The following KHDRBS2 variants were observed in gnomAD, a reference collection of about 807,000 sequenced individuals.
KHDRBS2 encodes the protein KH domain-containing, RNA-binding, signal transduction-associated protein 2.
Under a neutral mutation model 44.3 loss-of-function variants are expected in KHDRBS2, and 26 were observed. The ratio of observed to expected loss-of-function variants is 0.59; its 90% confidence interval spans 0.43 to 0.81. The LOEUF is 0.81. Ranked by LOEUF, KHDRBS2 falls within the 40% of genes least tolerant of loss-of-function variation. The probability of loss-of-function intolerance (pLI) is 0.00; values close to 1 mark genes in which losing one functional copy is unlikely to be tolerated. For synonymous variants in KHDRBS2, 194 were observed against 151.1 expected (o/e 1.28, Z -2.08); for missense variants, 476 against 433.1 (o/e 1.10, Z -0.88).
chr6:61,618,714 A>T, the KHDRBS2 span, among the ~76,000 whole-genome samples: 2 of 152,188 alleles, frequency 1.3e-5, no homozygotes, highest in African/African-American at 4.8e-5. Context: ...CTAAGTGAGA[A>T]CATGCAGTAT....
intron 2 of KHDRBS2, among the ~76,000 whole-genome samples, chr6:62,075,118 C>T (rs977776176): frequency 6.6e-6 from 1 of 151,810 alleles, no homozygotes; most frequent in African/African-American, 2.4e-5. Flanking sequence ...AACTCTTATG[C>T]TATGGTCTGA....
intron 7 of KHDRBS2, among the ~76,000 whole-genome samples, chr6:61,719,088 C>A (rs1220699802): frequency 6.6e-6 from 1 of 152,108 alleles, no homozygotes; most frequent in Non-Finnish European, 1.5e-5. Flanking sequence ...GGCTTCTTTT[C>A]CTAGGTTGTG....
intron 6 of KHDRBS2, among the ~76,000 whole-genome samples, chr6:61,864,758 T>C (rs574930094): frequency 2.0e-5 from 3 of 152,184 alleles, no homozygotes; most frequent in Non-Finnish European, 4.4e-5. Flanking sequence ...GATCTTCTCA[T>C]GGAGTATCCT....
At chr6:61,871,652 A>T (rs556461011) in intron 6 of KHDRBS2, among the ~76,000 whole-genome samples, 1 of 152,326 alleles carries the variant, frequency 6.6e-6, no homozygotes, top group South Asian at 2.1e-4. Context: ...CTAACAGCAG[A>T]TCTCTCGGCA....
intron 2 of KHDRBS2, among the ~76,000 whole-genome samples, chr6:62,141,690 T>G (rs563253421): frequency 2.7e-4 from 41 of 152,214 alleles, no homozygotes; most frequent in East Asian, 9.7e-4. Context: ...CTCTATATAG[T>G]AAACATTTCT....
the KHDRBS2 span, among the ~76,000 whole-genome samples, chr6:61,663,123 C>T: frequency 6.6e-6 from 1 of 150,610 alleles, no homozygotes; most frequent in South Asian, 2.1e-4. Flanking sequence ...AACTGGAAAC[C>T]ATCATTCTAA....
At chr6:61,998,907 C>CACACATATACACAAATATATGT (rs1399593567) in intron 3 of KHDRBS2, among the ~76,000 whole-genome samples, 1 of 151,998 alleles carries the variant, frequency 6.6e-6, no homozygotes, top group Non-Finnish European at 1.5e-5. Flanking sequence ...ATATACATAT[C>CACACATATACACAAATATATGT]ACACATATAC....
At chr6:61,643,480 A>G in the KHDRBS2 span, among the ~76,000 whole-genome samples, 1 of 152,162 alleles carries the variant, frequency 6.6e-6, no homozygotes, top group African/African-American at 2.4e-5. Context: ...GGCAAGAGAA[A>G]GAAACAAAGG....
chr6:61,677,141 A>G (rs1765990109), downstream of KHDRBS2, among the ~76,000 whole-genome samples: 1 of 151,896 alleles, frequency 6.6e-6, no homozygotes, highest in Non-Finnish European at 1.5e-5. Flanking sequence ...GAATGGTGAG[A>G]GAGTCATAGG....
chr6:61,795,667 G>A (rs1207148320), intron 6 of KHDRBS2, among the ~76,000 whole-genome samples: 1 of 152,070 alleles, frequency 6.6e-6, no homozygotes, highest in Non-Finnish European at 1.5e-5. Flanking sequence ...ATGTGAGTAT[G>A]CCTGCTCCAG....
chr6:61,550,766 C>CTTTTTTTTTTTTTTTTTTTTTTTTTTT, the KHDRBS2 span, among the ~76,000 whole-genome samples: 2 of 117,040 alleles, frequency 1.7e-5, no homozygotes, highest in Non-Finnish European at 1.6e-5. Context: ...GAGATGGTAT[C>CTTTTTTTTTTTTTTTTTTTTTTTTTTT]TTTTTTTTTT....
At chr6:61,736,904 C>G (rs183909852) in intron 6 of KHDRBS2, among the ~76,000 whole-genome samples, 105 of 152,162 alleles carry the variant, frequency 6.9e-4, no homozygotes, top group South Asian at 2.7e-3. Flanking sequence ...ATAATTTTCT[C>G]TCTTTTTAGA....
the KHDRBS2 span, among the ~76,000 whole-genome samples, chr6:61,596,368 C>A: frequency 6.6e-6 from 1 of 152,126 alleles, no homozygotes; most frequent in African/African-American, 2.4e-5. Context: ...ATTCTAAAGA[C>A]ATTTTATTTT....
intron 6 of KHDRBS2, among the ~76,000 whole-genome samples, chr6:61,823,195 G>A (rs1790259923): frequency 6.6e-6 from 1 of 151,980 alleles, no homozygotes; most frequent in South Asian, 2.1e-4. Flanking sequence ...CACAACCAAG[G>A]AAGGAGGGTT....
chr6:62,199,370 G>A (rs1439946406), intron 1 of KHDRBS2, among the ~76,000 whole-genome samples: 1 of 152,168 alleles, frequency 6.6e-6, no homozygotes, highest in South Asian at 2.1e-4. Flanking sequence ...TCCTTAAGCT[G>A]ATAGGCAACA....
chr6:61,585,773 C>T, the KHDRBS2 span, among the ~76,000 whole-genome samples: 3 of 152,068 alleles, frequency 2.0e-5, no homozygotes, highest in Non-Finnish European at 2.9e-5. Flanking sequence ...TCACATAGTT[C>T]ATTGCTTCAG....
chr6:61,568,073 C>T, the KHDRBS2 span, among the ~76,000 whole-genome samples: 1 of 152,016 alleles, frequency 6.6e-6, no homozygotes, highest in Non-Finnish European at 1.5e-5. Flanking sequence ...CCAATTTTTC[C>T]AAGCACTATT....
chr6:62,203,474 TG>T (rs1356384823), intron 1 of KHDRBS2, among the ~76,000 whole-genome samples: 1 of 152,104 alleles, frequency 6.6e-6, no homozygotes, highest in Non-Finnish European at 1.5e-5. Flanking sequence ...TCTGTGTTTT[TG>T]TTTTGCACCA....
chr6:61,616,211 C>CA, the KHDRBS2 span, among the ~76,000 whole-genome samples: 1 of 152,020 alleles, frequency 6.6e-6, no homozygotes, highest in African/African-American at 2.4e-5. Context: ...GTTGGTGACT[C>CA]AAAAGTGTAA....
Sources: allele counts gnomAD v4.1 joint callset (sites outside exome capture counted in the v4.1 genomes callset), GRCh38; gene constraint gnomAD v4.1.1; transcripts MANE v1.5; gene names NCBI Gene and HGNC (gene_info 2026-07-23, HGNC 2026-07-21).